The following SYN3 variants were observed in gnomAD, a reference collection of about 807,000 sequenced individuals.
The protein encoded by SYN3 is synapsin III.
A neutral mutation model predicts 65.8 loss-of-function variants in SYN3; 35 were observed. That is an observed-to-expected ratio of 0.53 (90% CI 0.41 to 0.70). SYN3 has a LOEUF of 0.70. Ranked by LOEUF, SYN3 falls within the 30% of genes least tolerant of loss-of-function variation. The probability of loss-of-function intolerance (pLI) is 0.00; values close to 1 mark genes in which losing one functional copy is unlikely to be tolerated. For missense variants in SYN3, 680 were observed against 749.0 expected (o/e 0.91, Z 1.08); for synonymous variants, 270 against 292.9 (o/e 0.92, Z 0.80).
chr22:32,706,214 T>A (rs901376857), intron 6 of SYN3, among the ~76,000 whole-genome samples: 11 of 152,196 alleles, frequency 7.2e-5, no homozygotes, highest in African/African-American at 2.7e-4. Flanking sequence ...AGATGGCTCT[T>A]ATTATTTTGA....
intron 6 of SYN3, among the ~76,000 whole-genome samples, chr22:32,735,487 G>A (rs1316472356): frequency 2.6e-5 from 4 of 152,284 alleles, no homozygotes; most frequent in Non-Finnish European, 5.9e-5. Context: ...AGTGCAGGCT[G>A]GAACATCATT....
intron 3 of SYN3, among the ~76,000 whole-genome samples, chr22:32,956,041 C>T (rs902145794): frequency 1.5e-5 from 2 of 130,678 alleles, no homozygotes; most frequent in Admixed American, 7.5e-5. Flanking sequence ...AATAAATTCA[C>T]ATATATATAT....
chr22:32,755,127 G>A (rs554581989), intron 6 of SYN3, among the ~76,000 whole-genome samples: 50 of 152,306 alleles, frequency 3.3e-4, no homozygotes, highest in African/African-American at 9.6e-4. Flanking sequence ...AACTAACATC[G>A]AACATTTACT....
intron 6 of SYN3, among the ~76,000 whole-genome samples, chr22:32,820,348 C>T (rs982545783): frequency 4.0e-5 from 5 of 124,890 alleles, no homozygotes; most frequent in African/African-American, 1.5e-4. Context: ...CCACCCATTC[C>T]ACTGCGTGTG....
At chr22:32,566,464 A>G (rs2058673325) in intron 7 of SYN3, among the ~76,000 whole-genome samples, 1 of 152,182 alleles carries the variant, frequency 6.6e-6, no homozygotes, top group East Asian at 1.9e-4. Context: ...GGAGCCTGGG[A>G]AAGCCTGGCT....
At chr22:33,030,113 G>A (rs1030586330) in intron 1 of SYN3, among the ~76,000 whole-genome samples, 7 of 152,166 alleles carry the variant, frequency 4.6e-5, no homozygotes, top group African/African-American at 1.7e-4. Flanking sequence ...AAGGTACCAA[G>A]TCTGGCTTTG....
intron 6 of SYN3, among the ~76,000 whole-genome samples, chr22:32,667,619 C>T (rs1487710813): frequency 1.3e-5 from 2 of 152,034 alleles, no homozygotes; most frequent in Admixed American, 1.3e-4. Context: ...GGGTTGCCTT[C>T]CAAATCCATA....
chr22:32,999,423 G>A (rs919685504), intron 2 of SYN3, among the ~76,000 whole-genome samples: 1 of 152,052 alleles, frequency 6.6e-6, no homozygotes, highest in Non-Finnish European at 1.5e-5. Flanking sequence ...GGTGGCTCAC[G>A]CCTATAATCC....
intron 1 of SYN3, among the ~76,000 whole-genome samples, chr22:33,050,046 T>C (rs187995970): frequency 1.4e-5 from 2 of 143,820 alleles, no homozygotes; most frequent in African/African-American, 5.3e-5. Flanking sequence ...TTATTTTTTC[T>C]TAAAAAAAAA....
At chr22:32,599,384 C>T (rs985478008) in intron 6 of SYN3, among the ~76,000 whole-genome samples, 10 of 150,788 alleles carry the variant, frequency 6.6e-5, no homozygotes, top group African/African-American at 1.2e-4. Flanking sequence ...TGCAGTGGTG[C>T]GATCTCGGCT....
At chr22:32,828,420 G>T (rs1282686810) in intron 6 of SYN3, among the ~76,000 whole-genome samples, 1 of 152,356 alleles carries the variant, frequency 6.6e-6, no homozygotes, top group East Asian at 1.9e-4. Flanking sequence ...TGCTGTGTTA[G>T]AGCCAGCCTC....
chr22:32,989,285 C>A (rs1053983394), intron 2 of SYN3, among the ~76,000 whole-genome samples: 2 of 152,146 alleles, frequency 1.3e-5, no homozygotes, highest in Admixed American at 6.5e-5. Context: ...ATGAATGATA[C>A]CCCTGACACA....
At chr22:32,843,446 G>A (rs1399705511) in intron 6 of SYN3, among the ~76,000 whole-genome samples, 3 of 152,190 alleles carry the variant, frequency 2.0e-5, no homozygotes, top group Non-Finnish European at 4.4e-5. Flanking sequence ...CAGGAAAAAG[G>A]CTTGCTTGGC....
At chr22:32,870,409 A>G in intron 4 of SYN3, among the ~76,000 whole-genome samples, 1 of 152,206 alleles carries the variant, frequency 6.6e-6, no homozygotes, top group East Asian at 1.9e-4. Context: ...TATAATTTTT[A>G]ATTTCTACAC....
intron 6 of SYN3, among the ~76,000 whole-genome samples, chr22:32,668,672 A>G (rs2060323574): frequency 1.3e-5 from 2 of 152,194 alleles, no homozygotes. Flanking sequence ...AACAGCATGG[A>G]ATTAGGGCTG....
chr22:32,601,073 G>C (rs1038194569), intron 6 of SYN3, among the ~76,000 whole-genome samples: 12 of 152,178 alleles, frequency 7.9e-5, no homozygotes, highest in Non-Finnish European at 1.8e-4. Flanking sequence ...TCCTTCTCCA[G>C]GGTTCTTAAA....
At chr22:32,915,951 TC>T (rs1445359417) in intron 4 of SYN3, among the ~76,000 whole-genome samples, 2 of 152,136 alleles carry the variant, frequency 1.3e-5, no homozygotes, top group East Asian at 3.8e-4. Context: ...AACCTAGGTT[TC>T]CCCTGTGCCT....
chr22:32,842,632 A>G (rs1360673203), intron 6 of SYN3, among the ~76,000 whole-genome samples: 1 of 152,244 alleles, frequency 6.6e-6, no homozygotes, highest in African/African-American at 2.4e-5. Flanking sequence ...GTACCTTTGT[A>G]CATATACATT....
chr22:32,706,421 T>G (rs1421764358), intron 6 of SYN3, among the ~76,000 whole-genome samples: 14 of 152,158 alleles, frequency 9.2e-5, no homozygotes, highest in Admixed American at 9.2e-4. Flanking sequence ...ATTTAAAGTG[T>G]TGATGCAGAA....
Sources: allele counts gnomAD v4.1 joint callset (sites outside exome capture counted in the v4.1 genomes callset), GRCh38; gene constraint gnomAD v4.1.1; transcripts MANE v1.5; gene names NCBI Gene and HGNC (gene_info 2026-07-23, HGNC 2026-07-21).